THSD4: variants seen among roughly 807,000 people sequenced by gnomAD.
THSD4 encodes the protein thrombospondin type-1 domain-containing protein 4.
In THSD4, 69 loss-of-function variants were observed where a neutral mutation model predicts 119.0. That is an observed-to-expected ratio of 0.58 (90% CI 0.48 to 0.71). The LOEUF (loss-of-function observed/expected upper bound fraction) is 0.71, where lower values mean the gene tolerates loss of function less well. THSD4 is among the 30% of genes least tolerant of loss of function. The pLI is 0.00. For synonymous variants in THSD4, 524 were observed against 540.4 expected (o/e 0.97, Z 0.42); for missense variants, 1,393 against 1,391.1 (o/e 1.00, Z -0.02).
At chr15:71,354,751 G>A (rs1248301318) in intron 6 of THSD4, among the ~76,000 whole-genome samples, 6 of 152,310 alleles carry the variant, frequency 3.9e-5, no homozygotes, top group East Asian at 1.9e-4. Flanking sequence ...AGGTTAAAGC[G>A]TGAAGACTAG....
chr15:71,700,971 G>T (rs2052277633), intron 8 of THSD4, among the ~76,000 whole-genome samples: 3 of 151,928 alleles, frequency 2.0e-5, no homozygotes, highest in African/African-American at 7.3e-5. Context: ...GGTGAGGAGA[G>T]ACTTTCTGAC....
Position 71,777,583 on chromosome 15 carries a change from C to A in THSD4, c.*209C>A, listed in dbSNP as rs1361926154. On this transcript the variant is annotated 3_prime_UTR_variant, in exon 18 of 18. Coordinates refer to ENST00000261862, the MANE Select transcript of THSD4 (RefSeq NM_024817.3). ...TGAAAGCCACAGTCAGTCCTTTAAG[C>A]ATCACCATGTACTGATGATCCCCTC... 4 of 632,880 alleles carry A rather than the reference C, an allele frequency of 6.3e-6. No individual in the cohort carries two copies. Among genetic ancestry groups the A allele is most frequent in the Non-Finnish European group, 1.1e-5 (4 of 370,272 alleles). The allele number at this position is 632,880 out of a possible 1,614,324, so 39.2% of individuals were successfully genotyped here.
At chr15:71,490,939 A>AAT (rs1439882325) in intron 7 of THSD4, among the ~76,000 whole-genome samples, 1 of 152,220 alleles carries the variant, frequency 6.6e-6, no homozygotes, top group East Asian at 1.9e-4. Flanking sequence ...CCAAGCCTGA[A>AAT]ATATATATTA....
intron 7 of THSD4, among the ~76,000 whole-genome samples, chr15:71,509,482 T>TA (rs1415998239): frequency 6.6e-6 from 1 of 152,166 alleles, no homozygotes; most frequent in Non-Finnish European, 1.5e-5. Flanking sequence ...GTAAGTGGAG[T>TA]AAAATCAACC....
At chr15:71,496,545 C>A (rs1240271841) in intron 7 of THSD4, among the ~76,000 whole-genome samples, 1 of 152,126 alleles carries the variant, frequency 6.6e-6, no homozygotes, top group Non-Finnish European at 1.5e-5. Context: ...GAACCACATT[C>A]CAGGCAGCAA....
intron 7 of THSD4, among the ~76,000 whole-genome samples, chr15:71,541,956 G>A (rs112981069): frequency 2.2e-4 from 33 of 152,346 alleles, no homozygotes; most frequent in African/African-American, 7.7e-4. Flanking sequence ...GGCAGGAAGA[G>A]AACGTATTGC....
chr15:71,708,511 T>C (rs2052438671), intron 8 of THSD4, among the ~76,000 whole-genome samples: 2 of 152,084 alleles, frequency 1.3e-5, no homozygotes, highest in Admixed American at 1.3e-4. Context: ...AAAAACAAAC[T>C]ATATAGAAAC....
intron 6 of THSD4, among the ~76,000 whole-genome samples, chr15:71,315,652 G>A (rs1211391519): frequency 6.6e-6 from 1 of 152,194 alleles, no homozygotes; most frequent in East Asian, 1.9e-4. Flanking sequence ...TTACTGAGGT[G>A]GCGGCGGGGA....
chr15:71,706,636 C>G (rs771950530), intron 8 of THSD4, among the ~76,000 whole-genome samples: 2 of 152,130 alleles, frequency 1.3e-5, no homozygotes, highest in Non-Finnish European at 2.9e-5. Flanking sequence ...CCGAGGTAGA[C>G]AGAGGTTGGA....
intron 8 of THSD4, among the ~76,000 whole-genome samples, chr15:71,723,997 A>G (rs115268181): frequency 0.018 from 2,661 of 150,956 alleles, 77 homozygotes; most frequent in African/African-American, 0.062. Flanking sequence ...AGGAGGTTGC[A>G]GTGAGCAGTA....
At chr15:71,348,834 C>T (rs2045704305) in intron 6 of THSD4, among the ~76,000 whole-genome samples, 1 of 152,236 alleles carries the variant, frequency 6.6e-6, no homozygotes, top group Non-Finnish European at 1.5e-5. Context: ...TGTTTTGAGA[C>T]AGCAGCATCT....
intron 7 of THSD4, among the ~76,000 whole-genome samples, chr15:71,591,941 G>A (rs74445262): frequency 0.016 from 2,413 of 152,188 alleles, 67 homozygotes; most frequent in African/African-American, 0.053. Flanking sequence ...GCACCATGTC[G>A]TGTTTTCATG....
intron 1 of THSD4, among the ~76,000 whole-genome samples, chr15:71,105,392 C>T (rs2040270206): frequency 6.6e-6 from 1 of 152,134 alleles, no homozygotes; most frequent in African/African-American, 2.4e-5. Context: ...ATTGGGGTAC[C>T]CCTCTCTCCC....
At chr15:71,328,725 G>A (rs1366369233) in intron 6 of THSD4, among the ~76,000 whole-genome samples, 1 of 152,180 alleles carries the variant, frequency 6.6e-6, no homozygotes. Context: ...GTTTACTAGA[G>A]ATCAGGGTTC....
intron 6 of THSD4, among the ~76,000 whole-genome samples, chr15:71,268,100 A>G (rs1408659396): frequency 6.6e-6 from 1 of 152,116 alleles, no homozygotes; most frequent in Non-Finnish European, 1.5e-5. Context: ...CAGCTCTGGA[A>G]CAAGTGGACC....
chr15:71,098,219 G>T (rs958378611), intron 1 of THSD4, among the ~76,000 whole-genome samples: 1 of 140,052 alleles, frequency 7.1e-6, no homozygotes, highest in East Asian at 2.0e-4. Flanking sequence ...TTTTTGGGGG[G>T]AGAGAAGGTC....
chr15:71,332,891 C>CTTTTTTTTTTTTTTTTTTTTTTTTTTTT lies in THSD4; in HGVS notation c.1015+76176_1015+76177insTTTTTTTTTTTTTTTTTTTTTTTTTTTT, dbSNP rs1184457820. Among the ~76,000 whole-genome samples the CTTTTTTTTTTTTTTTTTTTTTTTTTTTT allele has an allele frequency of 2.1e-4, 8 of 37,984 alleles. 2 individuals are homozygous for CTTTTTTTTTTTTTTTTTTTTTTTTTTTT. Among genetic ancestry groups the CTTTTTTTTTTTTTTTTTTTTTTTTTTTT allele is most frequent in the Non-Finnish European group, 4.0e-4 (7 of 17,634 alleles). 24.9% of individuals were successfully genotyped at this position (37,984 alleles called of 152,430 possible). On this transcript the variant is annotated intron_variant, in intron 6 of 17. Coordinates refer to ENST00000261862, the MANE Select transcript of THSD4 (RefSeq NM_024817.3). Reference sequence around the variant, plus strand: ...TTCTTAAAACATTGAGATTTTTTTACATTTTTTTTTTTTTTTTAGTTCATC... The same window carrying CTTTTTTTTTTTTTTTTTTTTTTTTTTTT: ...TTCTTAAAACATTGAGATTTTTTTACTTTTTTTTTTTTTTTTTTTTTTTTTTTTATTTTTTTTTTTTTTTTAGTTCATC...
At chr15:71,605,759 A>G (rs994072054) in intron 7 of THSD4, among the ~76,000 whole-genome samples, 3 of 152,190 alleles carry the variant, frequency 2.0e-5, no homozygotes, top group African/African-American at 7.2e-5. Flanking sequence ...GAGGTTTGGG[A>G]GAGCTTCAGG....
intron 3 of THSD4, among the ~76,000 whole-genome samples, chr15:71,211,821 G>A (rs761770528): frequency 2.0e-5 from 3 of 152,144 alleles, no homozygotes; most frequent in South Asian, 2.1e-4. Context: ...TATTGGGGAC[G>A]GAGCAGCACG....
Sources: allele counts gnomAD v4.1 joint callset (sites outside exome capture counted in the v4.1 genomes callset), GRCh38; gene constraint gnomAD v4.1.1; transcripts MANE v1.5; gene names NCBI Gene and HGNC (gene_info 2026-07-23, HGNC 2026-07-21).